The following TENM1 variants were observed in gnomAD, a reference collection of about 807,000 sequenced individuals.
The protein encoded by TENM1 is teneurin-1.
In TENM1, 35 loss-of-function variants were observed where a neutral mutation model predicts 174.8. The ratio of observed to expected loss-of-function variants is 0.20; its 90% CI spans 0.15 to 0.27. The LOEUF is 0.27. Ranked by LOEUF, TENM1 falls within the 10% of genes least tolerant of loss-of-function variation. TENM1 has a pLI of 1.00. For missense variants in TENM1, 1,633 were observed against 2,130.1 expected, an observed-to-expected ratio of 0.77 and a Z score of 4.59; for synonymous variants, 781 against 798.7, an observed-to-expected ratio of 0.98 and a Z score of 0.37.
chrX:124,606,790 G>A (rs2050168647), intron 11 of TENM1, among the ~76,000 whole-genome samples: 1 of 111,716 alleles, frequency 9.0e-6, no homozygotes, highest in South Asian at 3.7e-4. Flanking sequence ...ATTATACCAT[G>A]CTTTGAGCTT....
At position 124,609,741 on chromosome X, in the gene TENM1, A is replaced by C. The variant is rs752342946; in HGVS notation, c.2077+32050T>G. Among the ~76,000 whole-genome samples, 3 of 111,870 alleles carry C rather than the reference A, an allele frequency of 2.7e-5. No homozygotes were observed. The East Asian group carries it at 8.4e-4, about 32-fold the overall frequency. ...GAGCATACAAAGGGTTGAGACTAGA[A>C]GAAATAATTCAGCTAGAGTACAGAA... On this transcript the variant is annotated intron_variant, in intron 11 of 31. Transcript: ENST00000422452.
rs113122822 is a variant in TENM1, at chrX:124,542,008, C to T, written c.2651+4866G>A. Among the ~76,000 whole-genome samples the T allele has an allele frequency of 2.6e-3, 295 of 112,074 alleles. 1 individual carries two copies. The highest frequency in any genetic ancestry group is 9.0e-3 in the African/African-American group (279 of 30,913). ...GACAAACCTAAGGCTAGCTACCATG[C>T]CAGTAGGAGGCCCAAGTAGTCAAAT... is the stretch of plus-strand genomic sequence containing the variant. On this transcript the variant is annotated intron_variant, in intron 15 of 31. Transcript: ENST00000422452.
At chrX:125,094,953 G>A in the TENM1 span, among the ~76,000 whole-genome samples, 2 of 112,201 alleles carry the variant, frequency 1.8e-5, no homozygotes, top group African/African-American at 6.5e-5. Flanking sequence ...ATGTGTGTAA[G>A]GCAATGTGAT....
chrX:125,165,876 A>ATGTT, the TENM1 span, among the ~76,000 whole-genome samples: 80 of 111,565 alleles, frequency 7.2e-4, 1 homozygote, highest in South Asian at 0.028. Flanking sequence ...AGAGAAAATA[A>ATGTT]TGTTAGTAAA....
At chrX:125,178,732 A>C in the TENM1 span, among the ~76,000 whole-genome samples, 1 of 111,531 alleles carries the variant, frequency 9.0e-6, no homozygotes, top group Admixed American at 9.6e-5. Flanking sequence ...TCACTGATCT[A>C]TACTATAAAA....
intron 1 of TENM1, among the ~76,000 whole-genome samples, chrX:124,896,870 A>G (rs374948893): frequency 2.0e-4 from 22 of 111,686 alleles, no homozygotes; most frequent in African/African-American, 6.2e-4. Context: ...TTTTTCCAAT[A>G]AATACACACA....
intron 3 of TENM1, among the ~76,000 whole-genome samples, chrX:124,788,746 G>A (rs763370507): frequency 2.1e-4 from 24 of 112,753 alleles, no homozygotes; most frequent in Non-Finnish European, 1.9e-4. Flanking sequence ...GGGCAGCTCC[G>A]CCTCTGTGGC....
chrX:124,794,318 T>A (rs2055252786), intron 3 of TENM1, among the ~76,000 whole-genome samples: 1 of 111,750 alleles, frequency 8.9e-6, no homozygotes, highest in Non-Finnish European at 1.9e-5. Flanking sequence ...GGATATCTCA[T>A]AGACAAGTAT....
chrX:125,182,453 CGG>C, the TENM1 span, among the ~76,000 whole-genome samples: 82 of 30,767 alleles, frequency 2.7e-3, no homozygotes, highest in South Asian at 7.7e-3. Context: ...TTTCGGCGGG[CGG>C]GGGGGGGGGC....
chrX:124,462,304 C>T (rs2061184067), intron 22 of TENM1, among the ~76,000 whole-genome samples: 1 of 110,087 alleles, frequency 9.1e-6, no homozygotes, highest in African/African-American at 3.3e-5. Context: ...TGGAAGAAGG[C>T]TGGTTCCTTG....
intron 11 of TENM1, among the ~76,000 whole-genome samples, chrX:124,639,736 T>C (rs55737424): frequency 0.052 from 5,764 of 110,361 alleles, 247 homozygotes; most frequent in African/African-American, 0.15. Flanking sequence ...TACATAATAA[T>C]TATTATGTGT....
the TENM1 span, among the ~76,000 whole-genome samples, chrX:125,139,408 T>A: frequency 9.0e-6 from 1 of 110,944 alleles, no homozygotes; most frequent in South Asian, 3.9e-4. Flanking sequence ...GGGTTAGCCC[T>A]CCCGAAGCTA....
chrX:124,552,990 T>G (rs2048609352), intron 14 of TENM1, among the ~76,000 whole-genome samples: 1 of 111,187 alleles, frequency 9.0e-6, no homozygotes, highest in Admixed American at 9.6e-5. Context: ...AATTTTAAAT[T>G]TTTGTGGGTA....
At chrX:124,727,651 T>C (rs1298863448) in intron 4 of TENM1, among the ~76,000 whole-genome samples, 5 of 111,014 alleles carry the variant, frequency 4.5e-5, no homozygotes, top group Admixed American at 1.9e-4. Context: ...GCACATAATT[T>C]CATGGATAGA....
chrX:124,641,474 G>T (rs1266452113), intron 11 of TENM1, among the ~76,000 whole-genome samples: 2 of 111,770 alleles, frequency 1.8e-5, no homozygotes, highest in African/African-American at 6.5e-5. Flanking sequence ...GATTATTTGA[G>T]TTTGGGAGAG....
chrX:124,966,953 C>T (rs2058734768), upstream of TENM1, among the ~76,000 whole-genome samples: 1 of 111,043 alleles, frequency 9.0e-6, no homozygotes, highest in Admixed American at 9.5e-5. Flanking sequence ...CTGGAGAGAA[C>T]GTGGAAATGC....
intron 3 of TENM1, among the ~76,000 whole-genome samples, chrX:124,840,442 T>C (rs1388002437): frequency 1.8e-5 from 2 of 111,939 alleles, no homozygotes; most frequent in Non-Finnish European, 3.8e-5. Flanking sequence ...GGCAGAAACA[T>C]TGGGAAAAAT....
intron 1 of TENM1, among the ~76,000 whole-genome samples, chrX:124,909,097 G>A (rs1410733467): frequency 1.8e-5 from 2 of 112,184 alleles, no homozygotes; most frequent in Non-Finnish European, 3.8e-5. Flanking sequence ...GACCTCAGGT[G>A]ATATGCCCGC....
the TENM1 span, among the ~76,000 whole-genome samples, chrX:125,100,461 T>C: frequency 2.7e-5 from 3 of 112,115 alleles, no homozygotes; most frequent in Non-Finnish European, 5.6e-5. Flanking sequence ...AAAGTTGTAG[T>C]TAAGGATCAA....
Sources: allele counts gnomAD v4.1 joint callset (sites outside exome capture counted in the v4.1 genomes callset), GRCh38; gene constraint gnomAD v4.1.1; transcripts MANE v1.5; gene names NCBI Gene and HGNC (gene_info 2026-07-23, HGNC 2026-07-21).